The following STXBP5L variants were observed in gnomAD, a reference collection of about 807,000 sequenced individuals.
The protein encoded by STXBP5L is syntaxin binding protein 5L.
A neutral mutation model predicts 144.5 loss-of-function variants in STXBP5L; 65 were observed. The observed-to-expected ratio is 0.45, with a 90% CI of 0.37 to 0.55. The LOEUF is 0.55. STXBP5L is among the 20% of genes least tolerant of loss of function. The pLI is 0.00. For synonymous variants in STXBP5L, 505 were observed against 469.6 expected, an observed-to-expected ratio of 1.08 and a Z score of -0.97; for missense variants, 1,298 against 1,405.5, an observed-to-expected ratio of 0.92 and a Z score of 1.22.
At chr3:121,134,090 A>G (rs2107909087) in intron 7 of STXBP5L, among the ~76,000 whole-genome samples, 1 of 152,244 alleles carries the variant, frequency 6.6e-6, no homozygotes, top group Middle Eastern at 3.4e-3. Flanking sequence ...AGAAATTCAT[A>G]AAGAAAAGGA....
At chr3:120,957,791 C>A (rs1023290792) in intron 3 of STXBP5L, among the ~76,000 whole-genome samples, 1 of 151,546 alleles carries the variant, frequency 6.6e-6, no homozygotes, top group East Asian at 1.9e-4. Flanking sequence ...CACTAAATGC[C>A]CACAAGAGAA....
At chr3:121,376,296 A>G (rs573383059) in intron 20 of STXBP5L, among the ~76,000 whole-genome samples, 9 of 152,256 alleles carry the variant, frequency 5.9e-5, no homozygotes, top group African/African-American at 2.2e-4. Context: ...CCCAGAACCA[A>G]TGTTCTTATG....
chr3:121,172,068 C>A (rs920405179), intron 9 of STXBP5L, among the ~76,000 whole-genome samples: 1 of 152,152 alleles, frequency 6.6e-6, no homozygotes. Context: ...ACCACCTGCT[C>A]TTTGACAAAC....
intron 3 of STXBP5L, among the ~76,000 whole-genome samples, chr3:120,962,210 C>T (rs1352656480): frequency 3.3e-5 from 5 of 152,028 alleles, no homozygotes; most frequent in Non-Finnish European, 7.4e-5. Flanking sequence ...CAAAATTTTT[C>T]TTCCATTCTA....
chr3:121,294,758 GA>G (rs1471734446), intron 19 of STXBP5L, among the ~76,000 whole-genome samples: 1 of 152,032 alleles, frequency 6.6e-6, no homozygotes, highest in Non-Finnish European at 1.5e-5. Context: ...AGAGAAAAAG[GA>G]AAAGACCTTC....
At chr3:120,908,626 G>T (rs928897271) in intron 1 of STXBP5L, among the ~76,000 whole-genome samples, 2 of 151,510 alleles carry the variant, frequency 1.3e-5, no homozygotes, top group Admixed American at 6.6e-5. Flanking sequence ...GCTGGGCCTG[G>T]GGGAGGGACA....
At chr3:121,094,401 G>C (rs1025515908) in intron 5 of STXBP5L, among the ~76,000 whole-genome samples, 2 of 152,060 alleles carry the variant, frequency 1.3e-5, no homozygotes, top group Non-Finnish European at 2.9e-5. Flanking sequence ...TATTGTGTGG[G>C]AGTCTAAGTC....
At chr3:121,371,677 G>A (rs1443597909) in intron 20 of STXBP5L, among the ~76,000 whole-genome samples, 2 of 152,236 alleles carry the variant, frequency 1.3e-5, no homozygotes, top group Non-Finnish European at 2.9e-5. Context: ...ATGCATTCAT[G>A]CTAGTGGTGG....
At position 121,381,301 on chromosome 3, in the gene STXBP5L, G is replaced by A. The variant is rs770410696; in HGVS notation, c.2356G>A (p.Glu786Lys). Residue 786 changes from glutamate to lysine, a missense_variant, in exon 22 of 27, where the codon GAA becomes AAA. Coordinates refer to ENST00000471454, the MANE Select transcript of STXBP5L (RefSeq NM_001308330.2). The stretch of plus-strand genomic sequence containing the variant: ...TTTATTTATTTCCATAGAAAACCGA[G>A]AAAATTCCTATAATCGTTCTAGAAG... ...SLPVTTEENR[E>K]NSYNRSRSSS... 1 of 1,580,112 alleles carries A rather than the reference G, an allele frequency of 6.3e-7. No individual in the cohort carries two copies. Among genetic ancestry groups the A allele is most frequent in the Non-Finnish European group, 8.5e-7 (1 of 1,170,470 alleles).
At chr3:121,415,766 T>C in intron 24 of STXBP5L, 91 bp from the exon 25 acceptor site, 2 of 715,190 alleles carry the variant, frequency 2.8e-6, no homozygotes. Context: ...TGTTTTTTCA[T>C]GATGTGTCCT....
intron 22 of STXBP5L, among the ~76,000 whole-genome samples, chr3:121,406,824 TAAATA>T (rs1281011059): frequency 5.9e-5 from 9 of 152,172 alleles, no homozygotes; most frequent in African/African-American, 2.2e-4. Context: ...GTTATTTCAA[TAAATA>T]AAATATGTAC....
chr3:121,222,219 T>C (rs1203075173), intron 10 of STXBP5L, among the ~76,000 whole-genome samples: 5 of 152,098 alleles, frequency 3.3e-5, no homozygotes, highest in Non-Finnish European at 4.4e-5. Flanking sequence ...AAGTATTGAT[T>C]TGAGAAATGA....
intron 5 of STXBP5L, among the ~76,000 whole-genome samples, chr3:121,057,536 AT>A (rs1948546775): frequency 6.6e-6 from 1 of 151,948 alleles, no homozygotes; most frequent in Non-Finnish European, 1.5e-5. Flanking sequence ...CTATAGATTA[AT>A]TTTGCCTGTT....
intron 3 of STXBP5L, among the ~76,000 whole-genome samples, chr3:121,005,481 G>A (rs1299504986): frequency 6.6e-6 from 1 of 151,984 alleles, no homozygotes; most frequent in Non-Finnish European, 1.5e-5. Context: ...TATCAATTTT[G>A]TTGATCTTTT....
chr3:121,011,448 G>C (rs1944767979), intron 3 of STXBP5L, among the ~76,000 whole-genome samples: 1 of 151,654 alleles, frequency 6.6e-6, no homozygotes, highest in South Asian at 2.1e-4. Context: ...ATAATTGGGA[G>C]TTAGCCTAGT....
At chr3:121,214,276 T>G (rs2048692627) in intron 10 of STXBP5L, among the ~76,000 whole-genome samples, 1 of 152,224 alleles carries the variant, frequency 6.6e-6, no homozygotes, top group Non-Finnish European at 1.5e-5. Flanking sequence ...CTCTTGCTTC[T>G]CTAGTTCTTT....
At chr3:121,216,301 C>G (rs1054697020) in intron 10 of STXBP5L, among the ~76,000 whole-genome samples, 1 of 152,114 alleles carries the variant, frequency 6.6e-6, no homozygotes, top group Non-Finnish European at 1.5e-5. Flanking sequence ...CCTTTTTATA[C>G]TTTTTTGTCT....
chr3:120,949,036 G>A (rs892072750), intron 2 of STXBP5L, among the ~76,000 whole-genome samples: 2 of 151,922 alleles, frequency 1.3e-5, no homozygotes, highest in African/African-American at 2.4e-5. Flanking sequence ...CAGTGTAAAA[G>A]TGTTCACTTT....
intron 3 of STXBP5L, among the ~76,000 whole-genome samples, chr3:120,996,078 CCTT>C (rs1348114550): frequency 2.6e-5 from 4 of 152,206 alleles, no homozygotes; most frequent in African/African-American, 9.6e-5. Flanking sequence ...TGTAACGTCT[CCTT>C]CTGGCCTCTA....
Sources: allele counts gnomAD v4.1 joint callset (sites outside exome capture counted in the v4.1 genomes callset), GRCh38; gene constraint gnomAD v4.1.1; transcripts MANE v1.5; gene names NCBI Gene and HGNC (gene_info 2026-07-23, HGNC 2026-07-21).